The following FBXO33 variants were observed in gnomAD, a reference collection of about 807,000 sequenced individuals.
The protein encoded by FBXO33 is F-box only protein 33.
Under a neutral mutation model 46.3 loss-of-function variants are expected in FBXO33, and 22 were observed. The ratio of observed to expected loss-of-function variants is 0.48; its 90% CI spans 0.34 to 0.68. The LOEUF (loss-of-function observed/expected upper bound fraction) is 0.68, where lower values mean the gene tolerates loss of function less well. Ranked by LOEUF, FBXO33 falls within the 30% of genes least tolerant of loss-of-function variation. FBXO33 has a pLI of 0.01. For synonymous variants in FBXO33, 337 were observed against 291.3 expected, an observed-to-expected ratio of 1.16 and a Z score of -1.60; for missense variants, 692 against 708.8, an observed-to-expected ratio of 0.98 and a Z score of 0.27.
intron 1 of FBXO33, among the ~76,000 whole-genome samples, chr14:39,429,494 A>G (rs1192279114): frequency 6.6e-6 from 1 of 152,252 alleles, no homozygotes; most frequent in African/African-American, 2.4e-5. Context: ...TTTAAAGGAA[A>G]CTAGTCTTAT....
chr14:39,401,060 A>G (rs564049608), intron 3 of FBXO33, 116 bp downstream of exon 3: 11 of 934,676 alleles, frequency 1.2e-5, no homozygotes, highest in South Asian at 1.8e-5. Context: ...AAGAATCTGT[A>G]TATCAACTTG....
At chr14:39,411,428 T>C (rs746327991) in intron 1 of FBXO33, among the ~76,000 whole-genome samples, 3 of 152,144 alleles carry the variant, frequency 2.0e-5, no homozygotes, top group Non-Finnish European at 2.9e-5. Context: ...TTTTTTGCTA[T>C]AAATTTTCCT....
At chr14:39,430,820 C>A (rs527860928) in intron 1 of FBXO33, among the ~76,000 whole-genome samples, 3 of 152,230 alleles carry the variant, frequency 2.0e-5, no homozygotes, top group African/African-American at 7.2e-5. Context: ...GGCGTTAGTT[C>A]TGGAATTACA....
Position 39,401,741 on chromosome 14 carries a change from G to T in FBXO33, c.831C>A (p.Ala277=). 6.2e-7 allele frequency: 1 copy of T among 1,614,156 alleles called. No homozygotes were observed. Among genetic ancestry groups the T allele is most frequent in the Non-Finnish European group, 8.5e-7 (1 of 1,180,020 alleles). Reference sequence around the variant, plus strand: ...GTAAACTGAGGTGCTCCATGGTGTTGGCAACAGCATTAGAGAGAGATGACA... The same window carrying T: ...GTAAACTGAGGTGCTCCATGGTGTTTGCAACAGCATTAGAGAGAGATGACA... ...TSLSSLSNAV[A]NTMEHLSLLD... Residue 277 remains alanine (A), a synonymous_variant, in exon 3 of 4, where the codon GCC becomes GCA. Coordinates refer to ENST00000298097, the MANE Select transcript of FBXO33 (RefSeq NM_203301.4).
At chr14:39,408,712 T>G (rs140801997) in intron 1 of FBXO33, among the ~76,000 whole-genome samples, 530 of 151,892 alleles carry the variant, frequency 3.5e-3, no homozygotes, top group Middle Eastern at 6.8e-3. Context: ...TTTCACCATG[T>G]TGGCCAGGCT....
At chr14:39,414,661 TTTTC>T (rs1439209033) in intron 1 of FBXO33, among the ~76,000 whole-genome samples, 3 of 152,108 alleles carry the variant, frequency 2.0e-5, no homozygotes, top group African/African-American at 2.4e-5. Context: ...AAGCCTAATT[TTTTC>T]TTTCTTTCTT....
chr14:39,407,621 A>G (rs184534307), intron 1 of FBXO33, among the ~76,000 whole-genome samples: 1 of 152,264 alleles, frequency 6.6e-6, no homozygotes, highest in East Asian at 1.9e-4. Flanking sequence ...TGTTGAATAT[A>G]GTAGGATTTC....
Position 39,398,867 on chromosome 14 carries a change from A to G in FBXO33, c.*649T>C, listed in dbSNP as rs932638459. ...AATAAAATTATGTCAGATATAGTTA[A>G]AAAATCCAACAATTTCAGTATTCGT... On this transcript the variant is annotated 3_prime_UTR_variant, in exon 4 of 4. Transcript: ENST00000298097. 2 of 152,286 alleles carry G rather than the reference A, an allele frequency of 1.3e-5. No homozygotes were observed. Among genetic ancestry groups the G allele is most frequent in the Non-Finnish European group, 1.5e-5 (1 of 68,042 alleles). The allele number at this position is 152,286 out of a possible 1,614,324, so 9.4% of individuals were successfully genotyped here.
At position 39,399,642 on chromosome 14, in the gene FBXO33, A is replaced by T; in HGVS notation, c.1542T>A (p.Ile514=). ...GACCCAGGCCCAGGGATACCTGCTC[A>T]ATAAGGTTATGCACTGGATCTACAT... is the stretch of plus-strand genomic sequence containing the variant. ...DQDVDPVHNL[I]EQVSLGLGQP... is the part of the protein sequence containing the mutation. The change falls in exon 4 of 4, where the codon ATT becomes ATA. Residue 514 remains isoleucine (I), a synonymous_variant. Transcript: ENST00000298097. The T allele has an allele frequency of 6.2e-7, 1 of 1,613,990 alleles. No individual in the cohort carries two copies. The highest frequency in any genetic ancestry group is 8.5e-7 in the Non-Finnish European group (1 of 1,179,964).
chr14:39,426,145 T>G (rs1289995888), intron 1 of FBXO33, among the ~76,000 whole-genome samples: 3 of 151,962 alleles, frequency 2.0e-5, no homozygotes, highest in Non-Finnish European at 4.4e-5. Context: ...TTATTTATTT[T>G]TTATTTTATT....
At chr14:39,404,475 C>T (rs774342916) in intron 1 of FBXO33, among the ~76,000 whole-genome samples, 7 of 152,018 alleles carry the variant, frequency 4.6e-5, no homozygotes, top group African/African-American at 1.2e-4. Context: ...TACAGGCGCC[C>T]GCCACCATGC....
At chr14:39,399,843 G>GGTAA (rs1227486478) in intron 3 of FBXO33, 56 bp from the exon 4 acceptor site, 2 of 1,457,280 alleles carry the variant, frequency 1.4e-6, no homozygotes, top group Admixed American at 2.3e-5. Context: ...TTTTCTCTTT[G>GGTAA]GTAAGTCTGT....
intron 1 of FBXO33, among the ~76,000 whole-genome samples, chr14:39,419,748 G>A (rs2075471328): frequency 6.6e-6 from 1 of 152,164 alleles, no homozygotes; most frequent in South Asian, 2.1e-4. Context: ...TTGCTTAAAA[G>A]ACATGTAACA....
intron 1 of FBXO33, among the ~76,000 whole-genome samples, chr14:39,413,695 C>T (rs780728326): frequency 3.9e-5 from 6 of 152,154 alleles, no homozygotes; most frequent in Non-Finnish European, 5.9e-5. Flanking sequence ...ATGCTGTGTT[C>T]GCAAGCATGA....
At chr14:39,431,527 C>A (rs1257844871) in intron 1 of FBXO33, 37 bp downstream of exon 1, 10 of 1,605,604 alleles carry the variant, frequency 6.2e-6, no homozygotes, top group South Asian at 1.1e-5. Context: ...GAGCGACCCC[C>A]CGTTACCGGG....
chr14:39,411,135 G>A lies in FBXO33; in HGVS notation c.600-8624C>T, dbSNP rs905305367. Among the ~76,000 whole-genome samples the A allele has an allele frequency of 9.3e-5, 14 of 151,148 alleles. No individual in the cohort carries two copies. In the East Asian group the frequency reaches 9.7e-4, roughly 11 times the overall value. On this transcript the variant is annotated intron_variant, in intron 1 of 3. Transcript: ENST00000298097. ...TTTTGAGACAGAGTCTTGCACTGTCGCCAGGGCTGGAGTGCAGTGGTGTGA... is the reference window on the plus strand; with the variant it reads ...TTTTGAGACAGAGTCTTGCACTGTCACCAGGGCTGGAGTGCAGTGGTGTGA...
At chr14:39,424,439 A>C (rs926247143) in intron 1 of FBXO33, among the ~76,000 whole-genome samples, 17 of 152,242 alleles carry the variant, frequency 1.1e-4, no homozygotes, top group African/African-American at 3.9e-4. Context: ...ATCTCCAAAT[A>C]CTAACACAGG....
rs191444280 is a variant in FBXO33 at position 39,398,704 on chromosome 14, C to G, written c.*812G>C. 6.5e-6 allele frequency: 1 copy of G among 152,704 alleles called. No homozygotes were observed. Among genetic ancestry groups the G allele is most frequent in the East Asian group, 1.9e-4 (1 of 5,194 alleles). 9.5% of individuals were successfully genotyped at this position (152,704 alleles called of 1,614,324 possible). On this transcript the variant is annotated 3_prime_UTR_variant, in exon 4 of 4. Transcript: ENST00000298097. ...CAGTGACTTGTTGCTAGGGATTTCA[C>G]GACTAATGTTTTTGCAAGCATGTGT... is the stretch of plus-strand genomic sequence containing the variant.
rs768668500 is a variant in FBXO33 at position 39,431,785 on chromosome 14, T to A, written c.378A>T (p.Glu126Asp). The A allele has an allele frequency of 8.7e-6, 14 of 1,612,462 alleles. No homozygotes were observed. Among genetic ancestry groups the A allele is most frequent in the Non-Finnish European group, 1.2e-5 (14 of 1,179,956 alleles). ...ACCAGCCGCACTTGCGCATGAGGAA[T>A]TCCAGCCGAGGCTGCTCCGCGGGCG... Reference protein sequence around the residue: ...RVSPAEQPRLEFLMRKCGWFV... With the variant: ...RVSPAEQPRLDFLMRKCGWFV... The change falls in exon 1 of 4, where the codon GAA becomes GAT. Residue 126 changes from glutamate (E) to aspartate (D), a missense_variant. Glu to Asp is a conservative substitution (Grantham distance 45). Around this residue, in one of 3 missense-constraint regions of FBXO33, gnomAD observed 412 missense variants for 370.8 expected, o/e 1.11. Coordinates refer to ENST00000298097, the MANE Select transcript of FBXO33 (RefSeq NM_203301.4).
Sources: allele counts gnomAD v4.1 joint callset (sites outside exome capture counted in the v4.1 genomes callset), GRCh38; gene constraint gnomAD v4.1.1; regional missense constraint gnomAD v4.1.1; transcripts MANE v1.5; gene names NCBI Gene and HGNC (gene_info 2026-07-23, HGNC 2026-07-21).